Variants in FHDC1 observed in about 807,000 individuals in gnomAD.
FHDC1 encodes FH2 domain containing 1.
A neutral mutation model predicts 52.6 loss-of-function variants in FHDC1; 25 were observed. That is an observed-to-expected ratio of 0.48 (90% CI 0.35 to 0.66). FHDC1 has a LOEUF of 0.66. Ranked by LOEUF, FHDC1 falls within the 30% of genes least tolerant of loss-of-function variation. The pLI, the probability that FHDC1 is intolerant of heterozygous loss-of-function variation, is 0.01. For synonymous variants in FHDC1, 616 were observed against 581.5 expected, an observed-to-expected ratio of 1.06 and a Z score of -0.85; for missense variants, 1,459 against 1,452.8, an observed-to-expected ratio of 1.00 and a Z score of -0.07.
chr4:152,949,118 T>TAAGAAGAAGAAGAAGAAGAAGAAG (rs758697130), intron 2 of FHDC1, among the ~76,000 whole-genome samples: 3 of 75,874 alleles, frequency 4.0e-5, no homozygotes, highest in East Asian at 8.5e-4. Context: ...ATAATAATAA[T>TAAGAAGAAGAAGAAGAAGAAGAAG]AATAATAAGA....
chr4:152,927,595 C>G, the FHDC1 span: 1 of 1,605,330 alleles, frequency 6.2e-7, no homozygotes, highest in Non-Finnish European at 8.5e-7. Flanking sequence ...AGGTTTATGA[C>G]CCTCGATCTC....
chr4:152,951,808 G>A (rs1192296611), intron 2 of FHDC1, among the ~76,000 whole-genome samples: 2 of 152,118 alleles, frequency 1.3e-5, no homozygotes, highest in African/African-American at 4.8e-5. Flanking sequence ...TTTCCTCCAC[G>A]CAGCCGGGAT....
intron 1 of FHDC1, among the ~76,000 whole-genome samples, chr4:152,940,923 T>A (rs1456754095): frequency 6.6e-6 from 1 of 152,238 alleles, no homozygotes; most frequent in Non-Finnish European, 1.5e-5. Flanking sequence ...GTTATGCCCC[T>A]AATGATAATT....
intron 6 of FHDC1, 76 bp from the exon 7 acceptor site, chr4:152,962,738 T>C: frequency 2.5e-6 from 3 of 1,220,530 alleles, no homozygotes; most frequent in Non-Finnish European, 3.6e-6. Flanking sequence ...CACTTGAACT[T>C]GGATGTGGTA....
At chr4:152,967,842 A>G in intron 9 of FHDC1, 138 bp from the exon 10 acceptor site, 1 of 636,596 alleles carries the variant, frequency 1.6e-6, no homozygotes, top group East Asian at 2.7e-5. Flanking sequence ...AGATCTAAAT[A>G]CAGGGGTAGA....
chr4:152,946,040 A>G (rs1189176028), intron 2 of FHDC1, among the ~76,000 whole-genome samples: 1 of 152,208 alleles, frequency 6.6e-6, no homozygotes, highest in Non-Finnish European at 1.5e-5. Context: ...CTCAAGGTTC[A>G]TCCGTGTTGT....
chr4:152,969,107 C>A (rs1740557967), intron 10 of FHDC1, among the ~76,000 whole-genome samples: 1 of 149,218 alleles, frequency 6.7e-6, no homozygotes, highest in African/African-American at 2.5e-5. Context: ...AAAAAGGCAC[C>A]ATCTCATGCT....
chr4:152,975,746 C>T lies in FHDC1; in HGVS notation c.2455C>T (p.Gln819Ter), dbSNP rs1461339528. The T allele has an allele frequency of 1.3e-6, 2 of 1,584,648 alleles. No homozygotes were observed. The highest frequency in any genetic ancestry group is 2.7e-5 in the African/African-American group (2 of 74,392). The change falls in exon 12 of 12, where the codon CAA becomes TAA. Residue 819 changes from glutamine (Q) to a stop codon, truncating the protein, a stop_gained. Coordinates refer to ENST00000511601, the MANE Select transcript of FHDC1 (RefSeq NM_001371116.1). LOFTEE classifies it low-confidence loss of function (END_TRUNC). ...TGGGGTTGGAGAAATGGGGGACAGC[C>T]AAGTCTCCTCCAACCCTACATCCAG... ...SSGVGEMGDS[Q>*]VSSNPTSSPP...
the FHDC1 span, among the ~76,000 whole-genome samples, chr4:152,914,891 C>CTT: frequency 6.9e-6 from 1 of 145,922 alleles, no homozygotes; most frequent in Non-Finnish European, 1.5e-5. Context: ...TCTGTAAAAA[C>CTT]TTTTTTTTTT....
chr4:152,917,340 T>A, the FHDC1 span, among the ~76,000 whole-genome samples: 2 of 152,222 alleles, frequency 1.3e-5, no homozygotes, highest in Non-Finnish European at 2.9e-5. Context: ...TAAGTATTTA[T>A]ACACTGGTAA....
In FHDC1 at chr4:152,973,631, A is replaced by C. The variant is rs547797121; in HGVS notation, c.1384-1044A>C. Among the ~76,000 whole-genome samples the C allele has an allele frequency of 2.0e-4, 30 of 152,332 alleles. No individual in the cohort carries two copies. In the East Asian group the frequency reaches 5.2e-3, roughly 26 times the overall value. On this transcript the variant is annotated intron_variant, in intron 11 of 11. Coordinates refer to ENST00000511601, the MANE Select transcript of FHDC1 (RefSeq NM_001371116.1). ...GCAATCTTTAAAGAAGGCCCGAGAGACTTGGGGACGAGGTGGGAGGCTGAG... is the reference window on the plus strand; with the variant it reads ...GCAATCTTTAAAGAAGGCCCGAGAGCCTTGGGGACGAGGTGGGAGGCTGAG...
At chr4:152,933,680 C>T (rs1739289543), upstream of FHDC1, among the ~76,000 whole-genome samples, 2 of 141,758 alleles carry the variant, frequency 1.4e-5, no homozygotes, top group South Asian at 4.5e-4. Context: ...TTGCAGTGAG[C>T]TGAGATCGCT....
chr4:152,932,945 G>A (rs1376996082), upstream of FHDC1, among the ~76,000 whole-genome samples: 2 of 152,214 alleles, frequency 1.3e-5, no homozygotes, highest in Non-Finnish European at 1.5e-5. Context: ...CTGGGTGTAG[G>A]AAATAAAGCA....
At chr4:152,915,472 A>G in the FHDC1 span, among the ~76,000 whole-genome samples, 1 of 152,276 alleles carries the variant, frequency 6.6e-6, no homozygotes. Flanking sequence ...TTTTTGATCC[A>G]AAATTCAAAT....
At chr4:152,935,236 A>G (rs1739328801), upstream of FHDC1, among the ~76,000 whole-genome samples, 1 of 152,136 alleles carries the variant, frequency 6.6e-6, no homozygotes, top group African/African-American at 2.4e-5. Context: ...CTGTCCTGGG[A>G]GTTCAGGGAC....
At chr4:152,931,025 T>C in the FHDC1 span, among the ~76,000 whole-genome samples, 101 of 147,320 alleles carry the variant, frequency 6.9e-4, no homozygotes, top group African/African-American at 2.3e-3. Context: ...TCTCTCTCTC[T>C]AATATTGTTG....
At chr4:152,967,286 G>A (rs1740493671) in intron 9 of FHDC1, among the ~76,000 whole-genome samples, 1 of 152,118 alleles carries the variant, frequency 6.6e-6, no homozygotes, top group East Asian at 1.9e-4. Flanking sequence ...ATTAAGCTGG[G>A]CATGATGGCA....
the FHDC1 span, among the ~76,000 whole-genome samples, chr4:152,915,133 T>A: frequency 6.6e-6 from 1 of 152,228 alleles, no homozygotes; most frequent in African/African-American, 2.4e-5. Flanking sequence ...TATTCTTTCC[T>A]TTGAGGAATA....
At position 152,979,279 on chromosome 4, in the gene FHDC1, G is replaced by C. The variant is rs950285239; in HGVS notation, c.*2556G>C. 3.3e-5 allele frequency: 5 copies of C among 152,256 alleles called. No individual in the cohort carries two copies. The highest frequency in any genetic ancestry group is 1.2e-4 in the African/African-American group (5 of 41,454). The allele number at this position is 152,256 out of a possible 1,614,324, so 9.4% of individuals were successfully genotyped here. On this transcript the variant is annotated 3_prime_UTR_variant, in exon 12 of 12. Coordinates refer to ENST00000511601, the MANE Select transcript of FHDC1 (RefSeq NM_001371116.1). Reference sequence around the variant, plus strand: ...GGTCTTTCCACCTCTGTGAGTCCAAGTCAGGTCAATCAGCAAGGACCCATC... The same window carrying C: ...GGTCTTTCCACCTCTGTGAGTCCAACTCAGGTCAATCAGCAAGGACCCATC...
Sources: gnomAD v4.1 joint callset for allele counts (sites outside exome capture counted in the v4.1 genomes callset) on GRCh38, gnomAD v4.1.1 for gene constraint, MANE v1.5 for transcripts, NCBI Gene and HGNC (gene_info 2026-07-23, HGNC 2026-07-21) for gene names.